CFAP20: variants seen among roughly 807,000 people sequenced by gnomAD.
CFAP20 encodes cilia and flagella associated protein 20.
CFAP20 carries 14 observed loss-of-function variants against 25.5 expected under a neutral mutation model. The observed-to-expected ratio is 0.55, with a 90% CI of 0.36 to 0.86. The LOEUF is 0.86. CFAP20 is among the 40% of genes least tolerant of loss of function. The probability of loss-of-function intolerance (pLI) is 0.01; values close to 1 mark genes in which losing one functional copy is unlikely to be tolerated. For missense variants in CFAP20, 181 were observed against 248.0 expected, an observed-to-expected ratio of 0.73 and a Z score of 1.81; for synonymous variants, 75 against 91.1, an observed-to-expected ratio of 0.82 and a Z score of 1.01.
intron 1 of CFAP20, among the ~76,000 whole-genome samples, chr16:58,126,383 C>T (rs1960611214): frequency 6.6e-6 from 1 of 152,182 alleles, no homozygotes; most frequent in Non-Finnish European, 1.5e-5. Context: ...AACAAGCCAT[C>T]TTCACAAAAG....
chr16:58,117,715 G>A lies in CFAP20; in HGVS notation c.85-764C>T, dbSNP rs551755954. Among the ~76,000 whole-genome samples the A allele has an allele frequency of 8.5e-5, 13 of 152,290 alleles. No individual in the cohort carries two copies. The South Asian group carries it at 2.7e-3, about 32-fold the overall frequency. On this transcript the variant is annotated intron_variant, in intron 1 of 5. Transcript: ENST00000262498. ...CCCAAAGTGCTGGAATTACAGGCAT[G>A]GGCCACTGCGCCCGTCCTGCCTTGT... is the stretch of plus-strand genomic sequence containing the variant.
chr16:58,115,513 A>G, intron 3 of CFAP20, 56 bp from the exon 4 acceptor site: 1 of 1,580,648 alleles, frequency 6.3e-7, no homozygotes. Flanking sequence ...GAAGCACACA[A>G]CCTTGTCCAG....
chr16:58,117,787 G>C (rs1308493466), intron 1 of CFAP20, among the ~76,000 whole-genome samples: 4 of 152,208 alleles, frequency 2.6e-5, no homozygotes, highest in Non-Finnish European at 5.9e-5. Flanking sequence ...GTGTTACTGA[G>C]GAGGGCAGCA....
At position 58,129,183 on chromosome 16, in the gene CFAP20, G is replaced by C; in HGVS notation, c.-68C>G. ...AGGCCCCGGAGTAGATACAGGCACC[G>C]AGCGTCGAGGGCACAGCAGCAGGCC... On this transcript the variant is annotated 5_prime_UTR_variant, in exon 1 of 6. Coordinates refer to ENST00000262498, the MANE Select transcript of CFAP20 (RefSeq NM_013242.3). 2.6e-6 allele frequency: 4 copies of C among 1,538,786 alleles called. No individual in the cohort carries two copies. Among genetic ancestry groups the C allele is most frequent in the Non-Finnish European group, 2.7e-6 (3 of 1,124,462 alleles).
intron 3 of CFAP20, chr16:58,115,691 C>T (rs1299140669): frequency 1.7e-6 from 1 of 584,348 alleles, no homozygotes; most frequent in Non-Finnish European, 3.0e-6. Context: ...ACACAGTCAG[C>T]AGGCTCTCAG....
chr16:58,117,300 ACTGTTT>A, intron 1 of CFAP20, among the ~76,000 whole-genome samples: 1 of 152,362 alleles, frequency 6.6e-6, no homozygotes, highest in Middle Eastern at 3.4e-3. Flanking sequence ...GGCAGGTGAT[ACTGTTT>A]TCATTTTACA....
chr16:58,114,978 G>C (rs769273474), intron 4 of CFAP20, 58 bp from the exon 5 acceptor site: 6 of 1,435,842 alleles, frequency 4.2e-6, no homozygotes, highest in Non-Finnish European at 5.9e-6. Context: ...CCCTTTTCCT[G>C]AATCTTCTAG....
chr16:58,116,180 A>T (rs535828181), intron 2 of CFAP20, 28 bp from the exon 3 acceptor site: 1 of 1,459,366 alleles, frequency 6.9e-7, no homozygotes, highest in African/African-American at 1.4e-5. Context: ...ACTAATAAAC[A>T]CACTCCTGGA....
At chr16:58,117,307 T>C (rs1163822231) in intron 1 of CFAP20, among the ~76,000 whole-genome samples, 1 of 152,238 alleles carries the variant, frequency 6.6e-6, no homozygotes, top group Non-Finnish European at 1.5e-5. Flanking sequence ...GATACTGTTT[T>C]CATTTTACAA....
intron 1 of CFAP20, among the ~76,000 whole-genome samples, chr16:58,117,707 A>G (rs1158500367): frequency 6.6e-6 from 1 of 152,204 alleles, no homozygotes; most frequent in East Asian, 1.9e-4. Context: ...TGCTGGAATT[A>G]CAGGCATGGG....
chr16:58,126,057 C>T (rs537489179), intron 1 of CFAP20, among the ~76,000 whole-genome samples: 14 of 152,272 alleles, frequency 9.2e-5, no homozygotes, highest in African/African-American at 3.1e-4. Context: ...GAGAAATAGA[C>T]GAGAAAACTG....
chr16:58,114,804 G>C lies in CFAP20; in HGVS notation c.576+6C>G. The C allele has an allele frequency of 6.2e-7, 1 of 1,605,834 alleles. No homozygotes were observed. The highest frequency in any genetic ancestry group is 8.5e-7 in the Non-Finnish European group (1 of 1,172,482). On this transcript the variant is annotated splice_donor_region_variant and intron_variant, in intron 5 of 5. Coordinates refer to ENST00000262498, the MANE Select transcript of CFAP20 (RefSeq NM_013242.3). Reference sequence around the variant, plus strand: ...GTGGACCTTCCTCTGGGGAAGACTGGCTTACCTTTGCCTTGTTCTGAACTG... The same window carrying C: ...GTGGACCTTCCTCTGGGGAAGACTGCCTTACCTTTGCCTTGTTCTGAACTG...
intron 5 of CFAP20, 38 bp downstream of exon 5, chr16:58,114,772 C>T: frequency 6.6e-7 from 1 of 1,521,670 alleles, no homozygotes. Flanking sequence ...GCTCCCCCCA[C>T]TCACTGGTGG....
intron 5 of CFAP20, 142 bp from the exon 6 acceptor site, chr16:58,114,172 G>A: frequency 2.2e-6 from 2 of 898,768 alleles, no homozygotes; most frequent in South Asian, 2.7e-5. Flanking sequence ...ACACAGGCAG[G>A]GAAGCACCCA....
At chr16:58,115,528 G>C (rs1960446339) in intron 3 of CFAP20, 71 bp from the exon 4 acceptor site, 1 of 1,545,920 alleles carries the variant, frequency 6.5e-7, no homozygotes, top group East Asian at 2.3e-5. Flanking sequence ...GTCCAGACAA[G>C]GACCTGAATT....
chr16:58,118,519 A>T (rs976111868), intron 1 of CFAP20, among the ~76,000 whole-genome samples: 3 of 148,140 alleles, frequency 2.0e-5, no homozygotes, highest in Non-Finnish European at 4.5e-5. Flanking sequence ...AACGAAAAAA[A>T]AAAAACAAAA....
chr16:58,127,311 C>G (rs946869053), intron 1 of CFAP20, among the ~76,000 whole-genome samples: 2 of 152,204 alleles, frequency 1.3e-5, no homozygotes, highest in Non-Finnish European at 2.9e-5. Context: ...CTGAGGCCTC[C>G]CTACTACTGG....
At chr16:58,120,456 A>T (rs919111391) in intron 1 of CFAP20, among the ~76,000 whole-genome samples, 2 of 152,208 alleles carry the variant, frequency 1.3e-5, no homozygotes, top group African/African-American at 4.8e-5. Context: ...CAGATCTCAC[A>T]GGGAGAAAAT....
chr16:58,128,381 C>A (rs1247900711), intron 1 of CFAP20, among the ~76,000 whole-genome samples: 1 of 152,220 alleles, frequency 6.6e-6, no homozygotes, highest in African/African-American at 2.4e-5. Context: ...GGGCATAGTA[C>A]AGGCAAGTCA....
Sources: gnomAD v4.1 joint callset for allele counts (sites outside exome capture counted in the v4.1 genomes callset) on GRCh38, gnomAD v4.1.1 for gene constraint, MANE v1.5 for transcripts, NCBI Gene and HGNC (gene_info 2026-07-23, HGNC 2026-07-21) for gene names.